Variants in MIA2 observed in about 807,000 individuals in gnomAD.
MIA2 encodes melanoma inhibitory activity protein 2.
A neutral mutation model predicts 167.8 loss-of-function variants in MIA2; 127 were observed. The ratio of observed to expected loss-of-function variants is 0.76; its 90% CI spans 0.66 to 0.88. The LOEUF (loss-of-function observed/expected upper bound fraction) is 0.88. Among genes scored for constraint, MIA2 ranks in the 40% least tolerant of loss-of-function variants. The pLI is 0.00. For missense variants in MIA2, 1,690 were observed against 1,624.7 expected (o/e 1.04, Z -0.69); for synonymous variants, 552 against 541.9 (o/e 1.02, Z -0.26).
chr14:39,266,326 G>A, intron 6 of MIA2: 17 of 985,338 alleles, frequency 1.7e-5, no homozygotes, highest in Non-Finnish European at 2.0e-5. Flanking sequence ...AACAAATCCA[G>A]CACTTGGCAC....
At chr14:39,325,817 C>A (rs1260852840) in intron 24 of MIA2, among the ~76,000 whole-genome samples, 1 of 151,826 alleles carries the variant, frequency 6.6e-6, no homozygotes. Context: ...GAGTTCAAGC[C>A]ATTCTTCTGC....
chr14:39,251,635 T>C (rs893181907), intron 4 of MIA2, among the ~76,000 whole-genome samples: 3 of 152,152 alleles, frequency 2.0e-5, no homozygotes, highest in African/African-American at 4.8e-5. Context: ...TTGAGTCCTG[T>C]ATGTACAATA....
chr14:39,238,577 T>A (rs985810954), intron 2 of MIA2, among the ~76,000 whole-genome samples: 3 of 151,906 alleles, frequency 2.0e-5, no homozygotes, highest in African/African-American at 7.3e-5. Flanking sequence ...GGCGGATCAC[T>A]TGAGGCCAGG....
chr14:39,272,150 G>C (rs1000395322), intron 6 of MIA2, among the ~76,000 whole-genome samples: 1 of 152,232 alleles, frequency 6.6e-6, no homozygotes, highest in East Asian at 1.9e-4. Flanking sequence ...TCAGGAGTTT[G>C]AGACCAGCCT....
chr14:39,298,175 C>T (rs2061700114), intron 13 of MIA2, among the ~76,000 whole-genome samples: 1 of 151,866 alleles, frequency 6.6e-6, no homozygotes, highest in African/African-American at 2.4e-5. Flanking sequence ...AAATATTTCA[C>T]CTAGATCAGT....
At chr14:39,292,101 A>C (rs185793428) in intron 10 of MIA2, among the ~76,000 whole-genome samples, 1 of 152,264 alleles carries the variant, frequency 6.6e-6, no homozygotes, top group African/African-American at 2.4e-5. Flanking sequence ...TGTTTTCTTC[A>C]TTTGTTGCCT....
chr14:39,362,282 T>G (rs2074700369), intron 23 of MIA2, among the ~76,000 whole-genome samples: 1 of 152,196 alleles, frequency 6.6e-6, no homozygotes, highest in Non-Finnish European at 1.5e-5. Flanking sequence ...TCTTTATAAG[T>G]TTGCTAGAAT....
At chr14:39,309,041 T>C (rs1389121981) in intron 18 of MIA2, among the ~76,000 whole-genome samples, 1 of 152,216 alleles carries the variant, frequency 6.6e-6, no homozygotes, top group African/African-American at 2.4e-5. Flanking sequence ...GTTTTTGACT[T>C]CTCTCTTGCT....
intron 18 of MIA2, among the ~76,000 whole-genome samples, chr14:39,310,869 G>A (rs1401970240): frequency 1.3e-5 from 2 of 152,144 alleles, no homozygotes; most frequent in Admixed American, 1.3e-4. Flanking sequence ...GAGACTAAAC[G>A]TGACAAAATG....
chr14:39,345,815 G>A (rs992770945), intron 25 of MIA2, 89 bp from the exon 26 acceptor site: 13 of 1,102,696 alleles, frequency 1.2e-5, no homozygotes, highest in Non-Finnish European at 1.7e-5. Context: ...TTAGAATACA[G>A]GTCAAAAGTG....
chr14:39,284,750 C>CT (rs1181601296), intron 9 of MIA2, among the ~76,000 whole-genome samples: 12 of 147,084 alleles, frequency 8.2e-5, no homozygotes, highest in Non-Finnish European at 1.2e-4. Flanking sequence ...CTTTTTTTTT[C>CT]TTTTTTTTAT....
At chr14:39,311,465 GCTTTT>G (rs1566868845) in intron 18 of MIA2, among the ~76,000 whole-genome samples, 9 of 49,606 alleles carry the variant, frequency 1.8e-4, no homozygotes, top group African/African-American at 6.9e-4. Context: ...TTGATGTGTT[GCTTTT>G]TTTTTTTTTT....
intron 2 of MIA2, among the ~76,000 whole-genome samples, chr14:39,240,028 T>C (rs961987548): frequency 6.6e-6 from 1 of 152,230 alleles, no homozygotes; most frequent in African/African-American, 2.4e-5. Flanking sequence ...AGAGGATCTC[T>C]GTTATCAAGG....
chr14:39,253,395 C>A lies in MIA2; in HGVS notation c.1887+224C>A, dbSNP rs535937997. The A allele has an allele frequency of 4.9e-6, 3 of 613,248 alleles. No homozygotes were observed. In the East Asian group the frequency reaches 9.5e-5, roughly 19 times the overall value. 38.0% of individuals were successfully genotyped at this position (613,248 alleles called of 1,614,324 possible). A position where few individuals can be genotyped will look rare whatever the true frequency, so the allele number is the denominator to read the frequency against. Reference sequence around the variant, plus strand: ...AAGTTTTGTTGATGTTGATCTTGAGCGGTGTTTGCTTTTTACTCCACCCTC... The same window carrying A: ...AAGTTTTGTTGATGTTGATCTTGAGAGGTGTTTGCTTTTTACTCCACCCTC... On this transcript the variant is annotated intron_variant, in intron 6 of 28. Transcript: ENST00000640607.
intron 24 of MIA2, among the ~76,000 whole-genome samples, chr14:39,322,259 G>T (rs1013543629): frequency 1.3e-5 from 2 of 151,698 alleles, no homozygotes; most frequent in Non-Finnish European, 2.9e-5. Context: ...TAACACACTG[G>T]GGGCTGGGCG....
In MIA2 at chr14:39,234,150, G is replaced by T; in HGVS notation, c.36G>T (p.Leu12=). ...TTGGCGTTCACAGAATCCTTCTTCTGGCTATTTCTCTGACAAAGTGTCTGG... is the reference window on the plus strand; with the variant it reads ...TTGGCGTTCACAGAATCCTTCTTCTTGCTATTTCTCTGACAAAGTGTCTGG... ...AKFGVHRILL[L]AISLTKCLES... The change falls in exon 1 of 29, where the codon CTG becomes CTT. Residue 12 remains leucine (L), a synonymous_variant. Transcript: ENST00000640607. 1 of 1,608,254 alleles carries T rather than the reference G, an allele frequency of 6.2e-7. No individual in the cohort carries two copies. Among genetic ancestry groups the T allele is most frequent in the Non-Finnish European group, 8.5e-7 (1 of 1,177,740 alleles).
intron 6 of MIA2, chr14:39,267,394 C>T (rs888134122): frequency 2.1e-5 from 34 of 1,606,686 alleles, no homozygotes; most frequent in African/African-American, 4.0e-5. Context: ...TGTGTGTTCT[C>T]CGCCGTTTAT....
chr14:39,307,617 C>G (rs1430304674), intron 17 of MIA2, among the ~76,000 whole-genome samples: 1 of 151,982 alleles, frequency 6.6e-6, no homozygotes, highest in African/African-American at 2.4e-5. Context: ...CCAGGCTGGT[C>G]TTGAACTCCT....
Position 39,350,142 on chromosome 14 carries a change from C to G in MIA2, c.4117C>G (p.Pro1373Ala). 7.1e-7 allele frequency: 1 copy of G among 1,403,262 alleles called. No homozygotes were observed. Among genetic ancestry groups the G allele is most frequent in the Non-Finnish European group, 9.8e-7 (1 of 1,025,448 alleles). 86.9% of individuals were successfully genotyped at this position (1,403,262 alleles called of 1,614,324 possible). Residue 1373 changes from proline (P) to alanine (A), a missense_variant, in exon 29 of 29, where the codon CCA becomes GCA. Physicochemically the swap from Pro to Ala is conservative, Grantham distance 27. Coordinates refer to ENST00000640607, the MANE Select transcript of MIA2 (RefSeq NM_001329214.4). ...GAGGGGTTTTCCTCCTTACCTTCCCCCAAGACCTGGATTTTTCCCCCCACC... is the reference window on the plus strand; with the variant it reads ...GAGGGGTTTTCCTCCTTACCTTCCCGCAAGACCTGGATTTTTCCCCCCACC... ...PPRGFPPYLP[P>A]RPGFFPPPPH... is the part of the protein sequence containing the mutation.
Sources: gnomAD v4.1 joint callset for allele counts (sites outside exome capture counted in the v4.1 genomes callset) on GRCh38, gnomAD v4.1.1 for gene constraint, MANE v1.5 for transcripts, NCBI Gene and HGNC (gene_info 2026-07-23, HGNC 2026-07-21) for gene names.